Variants in PSIP1 observed in about 807,000 individuals in gnomAD.
PSIP1 encodes the protein PC4 and SRSF1 interacting protein 1.
PSIP1 carries 19 observed loss-of-function variants against 74.7 expected under a neutral mutation model. The observed-to-expected ratio is 0.25, with a 90% CI of 0.18 to 0.37. The LOEUF is 0.37. Among genes scored for constraint, PSIP1 ranks in the 10% least tolerant of loss-of-function variants. PSIP1 has a pLI of 1.00. For missense variants in PSIP1, 601 were observed against 614.3 expected (o/e 0.98, Z 0.23); for synonymous variants, 222 against 195.3 (o/e 1.14, Z -1.14).
chr9:15,503,728 A>G (rs183365305), intron 3 of PSIP1, among the ~76,000 whole-genome samples: 3 of 151,340 alleles, frequency 2.0e-5, no homozygotes, highest in African/African-American at 4.8e-5. Flanking sequence ...TCAGAGACCT[A>G]GTTTCCAAAA....
At chr9:15,499,858 A>T (rs533245552) in intron 3 of PSIP1, among the ~76,000 whole-genome samples, 197 of 150,350 alleles carry the variant, frequency 1.3e-3, no homozygotes, top group African/African-American at 4.4e-3. Flanking sequence ...TGGACCACAG[A>T]GCAAGAGACT....
chr9:15,501,624 A>G lies in PSIP1; in HGVS notation c.149+4937T>C, dbSNP rs1051090581. On this transcript the variant is annotated intron_variant, in intron 3 of 15. Coordinates refer to ENST00000380733, the MANE Select transcript of PSIP1 (RefSeq NM_033222.5). ...GGCTAGTTCGTATAGGTTTTTATAA[A>G]TATCATTTGTAGGTAGTTTTTGGTT... Among the ~76,000 whole-genome samples, 4 of 152,020 alleles carry G rather than the reference A, an allele frequency of 2.6e-5. No individual in the cohort carries two copies. The East Asian group carries it at 5.8e-4, about 22-fold the overall frequency.
At chr9:15,510,041 TAA>T (rs2037782906) in intron 2 of PSIP1, 74 bp downstream of exon 2, 2 of 1,405,302 alleles carry the variant, frequency 1.4e-6, no homozygotes, top group South Asian at 1.3e-5. Flanking sequence ...GAAGAAAAAA[TAA>T]AGAGACACGG....
At chr9:15,510,446 C>T (rs1020120947) in intron 1 of PSIP1, 117 bp from the exon 2 acceptor site, 1 of 402,148 alleles carries the variant, frequency 2.5e-6, no homozygotes, top group Non-Finnish European at 4.4e-6. Flanking sequence ...CCGCCTCCCG[C>T]TCCTCCCCCG....
intron 3 of PSIP1, among the ~76,000 whole-genome samples, chr9:15,493,431 C>G (rs2036926196): frequency 6.6e-6 from 1 of 152,198 alleles, no homozygotes; most frequent in African/African-American, 2.4e-5. Flanking sequence ...CCACATTTTC[C>G]TGTCTTCTTG....
At position 15,489,092 on chromosome 9, in the gene PSIP1, T is replaced by C. The variant is rs372581956; in HGVS notation, c.288+894A>G. On this transcript the variant is annotated intron_variant, in intron 4 of 15. Transcript: ENST00000380733. ...GAAGTAAGAGAACCAGTGTTTTCTG[T>C]AGGATAAAAACAATACAAATTGGAT... Among the ~76,000 whole-genome samples, 8 of 152,228 alleles carry C rather than the reference T, an allele frequency of 5.3e-5. No homozygotes were observed. In the East Asian group the frequency reaches 7.7e-4, roughly 15 times the overall value.
intron 10 of PSIP1, chr9:15,471,666 CAAG>C (rs1563868017): frequency 2.1e-6 from 2 of 954,152 alleles, no homozygotes; most frequent in South Asian, 4.9e-5. Flanking sequence ...ATTACTCCCT[CAAG>C]GAGCTAAAAC....
At chr9:15,467,389 CAAAA>C (rs1300606587) in intron 14 of PSIP1, among the ~76,000 whole-genome samples, 1 of 152,070 alleles carries the variant, frequency 6.6e-6, no homozygotes, top group Non-Finnish European at 1.5e-5. Context: ...GCAACAAAAA[CAAAA>C]AACCAACCGA....
At chr9:15,499,797 C>G (rs2037246511) in intron 3 of PSIP1, among the ~76,000 whole-genome samples, 1 of 151,340 alleles carries the variant, frequency 6.6e-6, no homozygotes, top group Non-Finnish European at 1.5e-5. Context: ...TCGCTTGAAC[C>G]CGGGAGGCAG....
At chr9:15,503,031 G>C (rs1478775805) in intron 3 of PSIP1, among the ~76,000 whole-genome samples, 3 of 152,170 alleles carry the variant, frequency 2.0e-5, no homozygotes, top group African/African-American at 7.2e-5. Flanking sequence ...CTTTCTTCTA[G>C]TTTAGCAGAC....
At chr9:15,502,646 G>A (rs936087548) in intron 3 of PSIP1, among the ~76,000 whole-genome samples, 54 of 152,268 alleles carry the variant, frequency 3.5e-4, no homozygotes, top group African/African-American at 2.4e-5. Flanking sequence ...GGACAGATCC[G>A]AATACATTTG....
intron 10 of PSIP1, chr9:15,472,157 C>T (rs1430090650): frequency 1.6e-5 from 16 of 985,256 alleles, no homozygotes; most frequent in Non-Finnish European, 1.8e-5. Flanking sequence ...AATGTACACC[C>T]TGTCAGCCTT....
At chr9:15,469,179 A>G (rs1587454722) in intron 12 of PSIP1, 87 bp downstream of exon 12, 1 of 1,322,572 alleles carries the variant, frequency 7.6e-7, no homozygotes, top group East Asian at 2.3e-5. Context: ...TATCCCTTAA[A>G]TTTACATACT....
At chr9:15,488,997 G>A (rs1000878277) in intron 4 of PSIP1, among the ~76,000 whole-genome samples, 1 of 152,216 alleles carries the variant, frequency 6.6e-6, no homozygotes, top group South Asian at 2.1e-4. Flanking sequence ...CCCCAGCCTG[G>A]GCGACAGAGC....
At chr9:15,471,699 CTAAG>C in intron 10 of PSIP1, 2 of 965,472 alleles carry the variant, frequency 2.1e-6, no homozygotes, top group Non-Finnish European at 2.5e-6. Flanking sequence ...ATCCTCCAAA[CTAAG>C]AAAGCAGAGT....
intron 10 of PSIP1, among the ~76,000 whole-genome samples, chr9:15,470,395 G>A (rs1351238843): frequency 6.6e-6 from 1 of 152,052 alleles, no homozygotes; most frequent in Admixed American, 6.6e-5. Context: ...GAGTTCTGAA[G>A]TTAGCTTTAA....
Position 15,465,572 on chromosome 9 carries a change from C to T in PSIP1, c.1541G>A (p.Ser514Asn). ...HEASTKKKPS[S>N]EERETEISLK... ...AGATATTTCAGTCTCTCTCTCTTCACTGGATGGCCTGAAGAAAAGGGGGAA... is the reference window on the plus strand; with the variant it reads ...AGATATTTCAGTCTCTCTCTCTTCATTGGATGGCCTGAAGAAAAGGGGGAA... Residue 514 changes from serine (S) to asparagine (N), a missense_variant, in exon 16 of 16, where the codon AGT becomes AAT. Transcript: ENST00000380733. 6.3e-7 allele frequency: 1 copy of T among 1,582,058 alleles called. No homozygotes were observed. Among genetic ancestry groups the T allele is most frequent in the Non-Finnish European group, 8.7e-7 (1 of 1,155,942 alleles).
At position 15,472,208 on chromosome 9, in the gene PSIP1, T is replaced by C. The variant is rs1002328374; in HGVS notation, c.977+424A>G. ...TGGCTTCCTGGGTTTCCAAATGTGC[T>C]TTTGTTACTTTTGCTGGTCTTTAGG... On this transcript the variant is annotated intron_variant, in intron 10 of 15. Coordinates refer to ENST00000380733, the MANE Select transcript of PSIP1 (RefSeq NM_033222.5). 3 of 988,076 alleles carry C rather than the reference T, an allele frequency of 3.0e-6. No homozygotes were observed. The African/African-American group carries it at 5.2e-5, about 17-fold the overall frequency. 61.2% of individuals were successfully genotyped at this position (988,076 alleles called of 1,614,324 possible).
chr9:15,498,713 A>G (rs2037197600), intron 3 of PSIP1, among the ~76,000 whole-genome samples: 1 of 152,190 alleles, frequency 6.6e-6, no homozygotes. Flanking sequence ...ATAATTATAC[A>G]TAATATCAAA....
Sources: gnomAD v4.1 joint callset for allele counts (sites outside exome capture counted in the v4.1 genomes callset) on GRCh38, gnomAD v4.1.1 for gene constraint, MANE v1.5 for transcripts, NCBI Gene and HGNC (gene_info 2026-07-23, HGNC 2026-07-21) for gene names.